The following PTS variants were observed in gnomAD, a reference collection of about 807,000 sequenced individuals.
PTS encodes the protein 6-pyruvoyl tetrahydrobiopterin synthase.
In PTS, 23 loss-of-function variants were observed where a neutral mutation model predicts 20.6. The observed-to-expected ratio is 1.12, with a 90% CI of 0.80 to 1.58. The LOEUF is 1.58. PTS is among the 40% of genes most tolerant of loss of function. The pLI, the probability that PTS is intolerant of heterozygous loss-of-function variation, is 0.00. For synonymous variants in PTS, 65 were observed against 62.5 expected (o/e 1.04, Z -0.19); for missense variants, 186 against 182.4 (o/e 1.02, Z -0.11).
intron 1 of PTS, among the ~76,000 whole-genome samples, chr11:112,226,959 G>C (rs1859873321): frequency 6.7e-6 from 1 of 149,952 alleles, no homozygotes; most frequent in Admixed American, 6.7e-5. Flanking sequence ...TGTATGCCAG[G>C]AGCATTGGCC....
intron 2 of PTS, among the ~76,000 whole-genome samples, chr11:112,229,756 T>C (rs767713566): frequency 1.3e-5 from 2 of 152,230 alleles, no homozygotes; most frequent in African/African-American, 2.4e-5. Context: ...AGACTTTGTA[T>C]ACATTCATGT....
intron 4 of PTS, 37 bp from the exon 5 acceptor site, chr11:112,233,126 T>C: frequency 6.3e-7 from 1 of 1,575,410 alleles, no homozygotes; most frequent in Non-Finnish European, 8.7e-7. Flanking sequence ...GAGTCGTAAA[T>C]GGAGTCAATG....
intron 2 of PTS, 143 bp downstream of exon 2, chr11:112,228,816 ATG>A (rs2135408346): frequency 9.1e-6 from 7 of 770,400 alleles, no homozygotes; most frequent in Non-Finnish European, 1.5e-5. Context: ...GGAGTTCAGA[ATG>A]AAAGGATCTG....
chr11:112,233,900 A>G lies in PTS; in HGVS notation c.*345A>G, dbSNP rs1859978992. 1 of 180,732 alleles carries G rather than the reference A, an allele frequency of 5.5e-6. No individual in the cohort carries two copies. Among genetic ancestry groups the G allele is most frequent in the Non-Finnish European group, 1.2e-5 (1 of 85,010 alleles). 11.2% of individuals were successfully genotyped at this position (180,732 alleles called of 1,614,324 possible). A position where few individuals can be genotyped will look rare whatever the true frequency, so the allele number is the denominator to read the frequency against. ...TTAGTATTAATTTTTACTTGGTATA[A>G]TATACATGGTTAAAATGCTTATGTG... On this transcript the variant is annotated 3_prime_UTR_variant, in exon 6 of 6. Transcript: ENST00000280362.
intron 2 of PTS, 155 bp downstream of exon 2, chr11:112,228,828 G>A (rs1333199631): frequency 9.8e-6 from 7 of 714,366 alleles, no homozygotes; most frequent in Non-Finnish European, 1.7e-5. Flanking sequence ...GAAAGGATCT[G>A]TTGTCTTGGT....
intron 2 of PTS, 151 bp downstream of exon 2, chr11:112,228,824 A>T (rs1025424551): frequency 8.1e-6 from 6 of 742,894 alleles, no homozygotes; most frequent in Admixed American, 2.4e-5. Flanking sequence ...GAATGAAAGG[A>T]TCTGTTGTCT....
intron 4 of PTS, among the ~76,000 whole-genome samples, chr11:112,232,010 C>T (rs1424213427): frequency 4.6e-5 from 7 of 151,998 alleles, no homozygotes; most frequent in African/African-American, 1.7e-4. Context: ...ACATAAAAGG[C>T]CTCAACATAT....
chr11:112,233,748 A>G lies in PTS; in HGVS notation c.*193A>G. 2 of 586,032 alleles carry G rather than the reference A, an allele frequency of 3.4e-6. No individual in the cohort carries two copies. Among genetic ancestry groups the G allele is most frequent in the Non-Finnish European group, 5.1e-6 (2 of 394,976 alleles). The allele number at this position is 586,032 out of a possible 1,614,324, so 36.3% of individuals were successfully genotyped here. A position where few individuals can be genotyped will look rare whatever the true frequency, so the allele number is the denominator to read the frequency against. ...ATTTAAAACTAAACTTGTAATATAC[A>G]TCCTGAAAATCATTTAGAGAGTCTT... On this transcript the variant is annotated 3_prime_UTR_variant, in exon 6 of 6. Transcript: ENST00000280362.
chr11:112,226,826 C>T (rs1859871963), intron 1 of PTS, among the ~76,000 whole-genome samples: 2 of 151,904 alleles, frequency 1.3e-5, no homozygotes, highest in Non-Finnish European at 2.9e-5. Context: ...GAAGAAACGT[C>T]TCTGCCCCTA....
intron 5 of PTS, 93 bp downstream of exon 5, chr11:112,233,326 A>G: frequency 6.5e-7 from 1 of 1,540,832 alleles, no homozygotes; most frequent in Non-Finnish European, 8.9e-7. Context: ...GTTTTAATTT[A>G]ATGAAATCTT....
At chr11:112,230,747 C>T (rs1859919725) in intron 4 of PTS, 65 bp downstream of exon 4, 6 of 1,350,716 alleles carry the variant, frequency 4.4e-6, no homozygotes, top group Admixed American at 3.4e-5. Flanking sequence ...GGCCCCCTAT[C>T]TACCTCCCCA....
intron 1 of PTS, among the ~76,000 whole-genome samples, chr11:112,227,437 A>G (rs1007766611): frequency 6.6e-6 from 1 of 152,098 alleles, no homozygotes; most frequent in African/African-American, 2.4e-5. Context: ...GCTGAGCAGG[A>G]GAAAGTGGGG....
intron 3 of PTS, 105 bp from the exon 4 acceptor site, chr11:112,230,521 C>A: frequency 2.8e-6 from 3 of 1,065,508 alleles, no homozygotes; most frequent in Non-Finnish European, 4.4e-6. Flanking sequence ...GGCAAATGTG[C>A]AAATGTGGGC....
chr11:112,230,428 A>T, intron 3 of PTS, 198 bp downstream of exon 3: 2 of 802,134 alleles, frequency 2.5e-6, no homozygotes. Context: ...GTATGTGGAC[A>T]GGTAGAAGGG....
In PTS at chr11:112,228,669, T is replaced by A. The variant is rs781197929; in HGVS notation, c.159T>A (p.Tyr53Ter). 4 of 1,611,230 alleles carry A rather than the reference T, an allele frequency of 2.5e-6. No individual in the cohort carries two copies. The highest frequency in any genetic ancestry group is 3.4e-6 in the Non-Finnish European group (4 of 1,178,358). ...ATCCAAATGGCCATGGGCACAATTA[T>A]AAAGGTGAGAGAAAAACTGATGACA... ...CNNPNGHGHN[Y>*]KVVVTVHGEI... Residue 53 changes from tyrosine (Y) to a stop codon, truncating the protein, a stop_gained, in exon 2 of 6, where the codon TAT (tyrosine) becomes TAA (stop). Coordinates refer to ENST00000280362, the MANE Select transcript of PTS (RefSeq NM_000317.3). LOFTEE classifies it high-confidence loss of function.
At position 112,233,760 on chromosome 11, in the gene PTS, AT is replaced by A. The variant is rs1179455196; in HGVS notation, c.*208del. The A allele has an allele frequency of 9.7e-6, 5 of 516,570 alleles. No homozygotes were observed. The highest frequency in any genetic ancestry group is 1.5e-5 in the Non-Finnish European group (5 of 335,232). The allele number at this position is 516,570 out of a possible 1,614,324, so 32.0% of individuals were successfully genotyped here. ...ACTTGTAATATACATCCTGAAAATC[AT>A]TTAGAGAGTCTTTTATTTATAAATT... On this transcript the variant is annotated 3_prime_UTR_variant, in exon 6 of 6. Transcript: ENST00000280362.
At chr11:112,228,326 C>T in intron 1 of PTS, 1 of 500,296 alleles carries the variant, frequency 2.0e-6, no homozygotes, top group Non-Finnish European at 3.6e-6. Flanking sequence ...ATGAGCAGAT[C>T]AGTTGCTGTG....
intron 4 of PTS, 98 bp from the exon 5 acceptor site, chr11:112,233,065 G>A (rs1859961356): frequency 1.8e-6 from 2 of 1,116,244 alleles, no homozygotes; most frequent in Non-Finnish European, 2.8e-6. Flanking sequence ...TTAGTTAGTG[G>A]CTAAGTGATA....
intron 2 of PTS, 122 bp from the exon 3 acceptor site, chr11:112,230,086 T>C: frequency 1.0e-6 from 1 of 998,264 alleles, no homozygotes; most frequent in Non-Finnish European, 1.6e-6. Context: ...TAAGTATAGC[T>C]TTTGGGGACA....
Sources: gnomAD v4.1 joint callset for allele counts (sites outside exome capture counted in the v4.1 genomes callset) on GRCh38, gnomAD v4.1.1 for gene constraint, MANE v1.5 for transcripts, NCBI Gene and HGNC (gene_info 2026-07-23, HGNC 2026-07-21) for gene names.